The following NCALD variants were observed in gnomAD, a reference collection of about 807,000 sequenced individuals.
NCALD encodes the protein neurocalcin delta.
A neutral mutation model predicts 18.6 loss-of-function variants in NCALD; 10 were observed. The ratio of observed to expected loss-of-function variants is 0.54; its 90% CI spans 0.33 to 0.91. The LOEUF (loss-of-function observed/expected upper bound fraction) is 0.91. Ranked by LOEUF, NCALD falls within the 40% of genes least tolerant of loss-of-function variation. NCALD has a pLI of 0.03. For synonymous variants in NCALD, 88 were observed against 87.4 expected (o/e 1.01, Z -0.04); for missense variants, 184 against 247.6 (o/e 0.74, Z 1.72).
chr8:102,083,719 T>C (rs376804292), intron 1 of NCALD, among the ~76,000 whole-genome samples: 10 of 152,208 alleles, frequency 6.6e-5, no homozygotes, highest in Admixed American at 6.5e-4. Context: ...AACTCTTTCA[T>C]TGCTATTGTT....
In NCALD at chr8:101,986,768, C is replaced by T. The variant is rs1167230788; in HGVS notation, c.-157+33469G>A. On this transcript the variant is annotated intron_variant, in intron 2 of 6. Coordinates refer to the NCALD transcript ENST00000311028. ...ATGCTTATTAGATTAGTTAATAGAA[C>T]TAAATAATTATAGCAAATGGCTAAC... 2.0e-5 allele frequency among the ~76,000 whole-genome samples: 3 copies of T among 152,202 alleles called. 1 individual carries two copies. In the South Asian group the frequency reaches 6.2e-4, roughly 31 times the overall value.
intron 4 of NCALD, among the ~76,000 whole-genome samples, chr8:101,845,427 G>A (rs1182011190): frequency 6.6e-6 from 1 of 152,140 alleles, no homozygotes; most frequent in South Asian, 2.1e-4. Context: ...TTACTTGGGG[G>A]AGAAGCAGAT....
At chr8:101,791,865 C>G (rs544954853), upstream of NCALD, among the ~76,000 whole-genome samples, 1 of 152,232 alleles carries the variant, frequency 6.6e-6, no homozygotes, top group African/African-American at 2.4e-5. Context: ...GTAATGAAAG[C>G]CCAGAGCCAT....
intron 2 of NCALD, among the ~76,000 whole-genome samples, chr8:101,951,068 C>A (rs1403540433): frequency 1.3e-5 from 2 of 152,200 alleles, no homozygotes; most frequent in East Asian, 1.9e-4. Context: ...CAACCAGACA[C>A]GTCTCAGCCA....
intron 2 of NCALD, among the ~76,000 whole-genome samples, chr8:101,958,024 G>A (rs1474496056): frequency 3.3e-5 from 5 of 152,096 alleles, no homozygotes; most frequent in South Asian, 2.1e-4. Context: ...CTGTGTCAGC[G>A]TAGCTCAGGG....
chr8:101,964,439 T>C (rs528656421), intron 2 of NCALD, among the ~76,000 whole-genome samples: 16 of 152,306 alleles, frequency 1.1e-4, no homozygotes, highest in African/African-American at 3.4e-4. Flanking sequence ...TTGGTGACAA[T>C]GCAGGGTCCC....
chr8:101,739,319 T>C (rs1386436211), intron 1 of NCALD, among the ~76,000 whole-genome samples: 1 of 152,176 alleles, frequency 6.6e-6, no homozygotes. Context: ...CTTCTCTACA[T>C]TTTGGGTTGC....
intron 1 of NCALD, among the ~76,000 whole-genome samples, chr8:102,107,239 T>TATATATATAC (rs1316267759): frequency 9.1e-6 from 1 of 110,468 alleles, no homozygotes; most frequent in Non-Finnish European, 1.9e-5. Context: ...TATATATATA[T>TATATATATAC]ACACATAGAA....
intron 2 of NCALD, among the ~76,000 whole-genome samples, chr8:101,934,273 A>G (rs481750): frequency 0.16 from 24,463 of 152,130 alleles, 2,013 homozygotes; most frequent in East Asian, 0.27. Context: ...AGTCCAACCT[A>G]AGGACTGAAG....
intron 3 of NCALD, among the ~76,000 whole-genome samples, chr8:101,902,076 C>T (rs1000832699): frequency 1.3e-5 from 2 of 152,216 alleles, no homozygotes; most frequent in Non-Finnish European, 2.9e-5. Flanking sequence ...CAGGCGTGAG[C>T]CATCACACCC....
chr8:101,853,454 A>T (rs992013268), intron 4 of NCALD, among the ~76,000 whole-genome samples: 9 of 152,166 alleles, frequency 5.9e-5, no homozygotes, highest in African/African-American at 1.7e-4. Flanking sequence ...AGACAGAGGG[A>T]TCAAAATATT....
At chr8:101,828,344 C>T (rs1179531323) in intron 4 of NCALD, among the ~76,000 whole-genome samples, 1 of 152,154 alleles carries the variant, frequency 6.6e-6, no homozygotes, top group Admixed American at 6.5e-5. Flanking sequence ...CGATTCAATG[C>T]TTCCTCTCCC....
intron 2 of NCALD, among the ~76,000 whole-genome samples, chr8:102,017,145 G>A (rs72679088): frequency 0.15 from 23,212 of 152,002 alleles, 2,434 homozygotes; most frequent in African/African-American, 0.29. Context: ...TCTAATATGC[G>A]TATAATTGGA....
Position 101,993,148 on chromosome 8 carries a change from G to GAA in NCALD, c.-157+27087_-157+27088dup, listed in dbSNP as rs79585820. Among the ~76,000 whole-genome samples, 674 of 136,316 alleles carry GAA rather than the reference G, an allele frequency of 4.9e-3. 10 individuals are homozygous for GAA. Among genetic ancestry groups the GAA allele is most frequent in the African/African-American group, 0.017 (618 of 37,000 alleles). 89.4% of individuals were successfully genotyped at this position (136,316 alleles called of 152,430 possible). On this transcript the variant is annotated intron_variant, in intron 2 of 6. Transcript: ENST00000311028. ...ATTAATCCACAAGCTCACTCTACAG[G>GAA]AAAAAAAAAAAAAGATGGTAACAAA...
intron 1 of NCALD, among the ~76,000 whole-genome samples, chr8:102,040,236 A>G (rs1260805140): frequency 6.6e-6 from 1 of 152,154 alleles, no homozygotes; most frequent in Non-Finnish European, 1.5e-5. Flanking sequence ...CTCACTTCTT[A>G]TTGTAACATG....
Position 102,047,675 on chromosome 8 carries a change from T to C in NCALD, c.-209-27386A>G, listed in dbSNP as rs577019740. ...AATAAAAGGTACCGTTTATTGAGCATTTATCCGGGACCAAGCATTAGCCTA... is the reference window on the plus strand; with the variant it reads ...AATAAAAGGTACCGTTTATTGAGCACTTATCCGGGACCAAGCATTAGCCTA... On this transcript the variant is annotated intron_variant, in intron 1 of 6. Transcript: ENST00000311028. 9.8e-5 allele frequency among the ~76,000 whole-genome samples: 15 copies of C among 152,358 alleles called. No homozygotes were observed. The South Asian group carries it at 3.1e-3, about 32-fold the overall frequency.
intron 2 of NCALD, among the ~76,000 whole-genome samples, chr8:101,977,662 A>G (rs901840263): frequency 6.6e-6 from 1 of 152,196 alleles, no homozygotes; most frequent in African/African-American, 2.4e-5. Flanking sequence ...CCGTCCTTCC[A>G]GGTGCACCCA....
At chr8:101,923,252 A>G (rs1053593839) in intron 2 of NCALD, among the ~76,000 whole-genome samples, 9 of 152,192 alleles carry the variant, frequency 5.9e-5, no homozygotes, top group African/African-American at 1.9e-4. Flanking sequence ...AAATTTCTGT[A>G]CTTTATAAAT....
intron 1 of NCALD, among the ~76,000 whole-genome samples, chr8:101,739,304 T>C (rs1810081177): frequency 6.6e-6 from 1 of 152,158 alleles, no homozygotes; most frequent in African/African-American, 2.4e-5. Context: ...TAATACCTGA[T>C]CCTCCTTCTC....
Sources: allele counts gnomAD v4.1 joint callset (sites outside exome capture counted in the v4.1 genomes callset), GRCh38; gene constraint gnomAD v4.1.1; transcripts MANE v1.5; gene names NCBI Gene and HGNC (gene_info 2026-07-23, HGNC 2026-07-21).